Variants in STPG2 observed in about 807,000 individuals in gnomAD.
STPG2 encodes the protein sperm-tail PG-rich repeat-containing protein 2.
STPG2 carries 56 observed loss-of-function variants against 54.2 expected under a neutral mutation model. That is an observed-to-expected ratio of 1.03 (90% CI 0.83 to 1.29). The LOEUF (loss-of-function observed/expected upper bound fraction) is 1.29. STPG2 is among the 50% of genes most tolerant of loss of function. The pLI is 0.00. For synonymous variants in STPG2, 200 were observed against 181.8 expected, an observed-to-expected ratio of 1.10 and a Z score of -0.81; for missense variants, 596 against 544.9, an observed-to-expected ratio of 1.09 and a Z score of -0.93.
chr4:97,502,520 T>C (rs1451349722), intron 4 of STPG2, among the ~76,000 whole-genome samples: 1 of 151,990 alleles, frequency 6.6e-6, no homozygotes, highest in Non-Finnish European at 1.5e-5. Context: ...TAAAAGAGTA[T>C]GCATGGGTGC....
intron 8 of STPG2, among the ~76,000 whole-genome samples, chr4:97,922,170 C>T (rs1000018908): frequency 2.0e-5 from 3 of 151,974 alleles, no homozygotes; most frequent in African/African-American, 7.3e-5. Context: ...GTTCTAACCA[C>T]AAAAATGTAT....
chr4:97,870,491 C>A (rs906091439), intron 8 of STPG2, among the ~76,000 whole-genome samples: 12 of 151,094 alleles, frequency 7.9e-5, no homozygotes, highest in Non-Finnish European at 1.8e-4. Flanking sequence ...GCATGTATAC[C>A]AGGCAAATGT....
intron 6 of STPG2, among the ~76,000 whole-genome samples, chr4:97,980,112 G>A (rs1734624996): frequency 6.6e-6 from 1 of 152,072 alleles, no homozygotes; most frequent in African/African-American, 2.4e-5. Context: ...TTTGAGCCAG[G>A]AGTTGGAGGC....
At chr4:97,935,954 ATC>A (rs1732731978) in intron 8 of STPG2, among the ~76,000 whole-genome samples, 1 of 151,924 alleles carries the variant, frequency 6.6e-6, no homozygotes, top group Non-Finnish European at 1.5e-5. Flanking sequence ...TGTCTTGATG[ATC>A]TGTCTAATGT....
At chr4:97,616,051 C>T (rs28742049) in intron 10 of STPG2, among the ~76,000 whole-genome samples, 2 of 23,248 alleles carry the variant, frequency 8.6e-5, no homozygotes, top group African/African-American at 4.4e-4. Context: ...AAAAAAAATA[C>T]ATATAAATAT....
At chr4:97,716,797 GGT>G (rs547387480) in intron 9 of STPG2, among the ~76,000 whole-genome samples, 200 of 151,696 alleles carry the variant, frequency 1.3e-3, no homozygotes, top group Non-Finnish European at 2.4e-3. Context: ...CATGGCACGT[GGT>G]GCCTATGGCC....
At chr4:97,910,274 C>G (rs576244300) in intron 8 of STPG2, among the ~76,000 whole-genome samples, 23 of 152,304 alleles carry the variant, frequency 1.5e-4, no homozygotes, top group Admixed American at 3.9e-4. Context: ...AAAGGCAGCA[C>G]CTTGCCTCTT....
intron 10 of STPG2, among the ~76,000 whole-genome samples, chr4:97,639,236 A>G (rs1003976775): frequency 2.6e-5 from 4 of 152,014 alleles, no homozygotes; most frequent in Non-Finnish European, 5.9e-5. Context: ...TCAGTAAACT[A>G]TCGCAAGAAC....
intron 8 of STPG2, among the ~76,000 whole-genome samples, chr4:97,902,797 T>C (rs1457672579): frequency 1.3e-5 from 2 of 152,204 alleles, no homozygotes; most frequent in African/African-American, 2.4e-5. Context: ...CTTTTGGCTA[T>C]ACATCCAAAA....
intron 7 of STPG2, among the ~76,000 whole-genome samples, chr4:97,951,121 A>G (rs1733447808): frequency 1.3e-5 from 2 of 152,250 alleles, no homozygotes; most frequent in East Asian, 1.9e-4. Context: ...TTGACTCCCT[A>G]TGATTTCATC....
At chr4:97,899,026 C>A (rs1731067259) in intron 8 of STPG2, among the ~76,000 whole-genome samples, 1 of 151,668 alleles carries the variant, frequency 6.6e-6, no homozygotes, top group Non-Finnish European at 1.5e-5. Context: ...GAGAGGAAGT[C>A]AAACTATCTC....
chr4:97,857,443 T>A (rs1729371089), intron 8 of STPG2, among the ~76,000 whole-genome samples: 1 of 152,118 alleles, frequency 6.6e-6, no homozygotes, highest in South Asian at 2.1e-4. Context: ...TAGTTTATGG[T>A]CATAAAGGTG....
intron 2 of STPG2, among the ~76,000 whole-genome samples, chr4:98,129,904 C>T (rs1187739680): frequency 6.6e-6 from 1 of 152,196 alleles, no homozygotes; most frequent in Admixed American, 6.5e-5. Flanking sequence ...GTTGCCCAGG[C>T]TGGAGTGCAG....
At chr4:97,564,508 G>C (rs552699704) in intron 10 of STPG2, among the ~76,000 whole-genome samples, 1 of 152,296 alleles carries the variant, frequency 6.6e-6, no homozygotes, top group East Asian at 1.9e-4. Flanking sequence ...CTCGTTAGTT[G>C]ATGCAGTTTC....
At chr4:97,963,523 C>T (rs1009583755) in intron 7 of STPG2, among the ~76,000 whole-genome samples, 7 of 151,888 alleles carry the variant, frequency 4.6e-5, no homozygotes, top group Non-Finnish European at 7.4e-5. Flanking sequence ...GGTGTAACGG[C>T]CCATGCCTGT....
At chr4:97,802,255 A>G (rs1257171399) in intron 9 of STPG2, among the ~76,000 whole-genome samples, 3 of 152,098 alleles carry the variant, frequency 2.0e-5, no homozygotes, top group African/African-American at 7.2e-5. Context: ...CCTCAGATTC[A>G]TCTCTGCATA....
chr4:97,788,661 A>G lies in STPG2; in HGVS notation c.1204+52112T>C, dbSNP rs550916467. Among the ~76,000 whole-genome samples, 14 of 152,220 alleles carry G rather than the reference A, an allele frequency of 9.2e-5. No individual in the cohort carries two copies. The East Asian group carries it at 2.7e-3, about 29-fold the overall frequency. On this transcript the variant is annotated intron_variant, in intron 9 of 10. Coordinates refer to ENST00000295268, the MANE Select transcript of STPG2 (RefSeq NM_174952.3). ...TTAAGGAACCTCCAAACTGTTCTCCATAGTAGCTATACTAATTTATATTCC... is the reference window on the plus strand; with the variant it reads ...TTAAGGAACCTCCAAACTGTTCTCCGTAGTAGCTATACTAATTTATATTCC...
At chr4:97,903,911 C>A (rs1387928360) in intron 8 of STPG2, among the ~76,000 whole-genome samples, 1 of 152,218 alleles carries the variant, frequency 6.6e-6, no homozygotes, top group Non-Finnish European at 1.5e-5. Context: ...AAATGGCGCA[C>A]CACGAGATTA....
downstream of STPG2, chr4:97,558,763 CCCAGA>C (rs1732143893): frequency 3.4e-6 from 1 of 295,628 alleles, no homozygotes; most frequent in Non-Finnish European, 6.2e-6. Context: ...CACCTAAATT[CCCAGA>C]CCAAAGAAAC....
Sources: allele counts gnomAD v4.1 joint callset (sites outside exome capture counted in the v4.1 genomes callset), GRCh38; gene constraint gnomAD v4.1.1; transcripts MANE v1.5; gene names NCBI Gene and HGNC (gene_info 2026-07-23, HGNC 2026-07-21).